The following RC3H2 variants were observed in gnomAD, a reference collection of about 807,000 sequenced individuals.
The protein encoded by RC3H2 is roquin-2.
A neutral mutation model predicts 133.3 loss-of-function variants in RC3H2; 31 were observed. That is an observed-to-expected ratio of 0.23 (90% CI 0.17 to 0.31). RC3H2 has a LOEUF of 0.31. RC3H2 is among the 10% of genes least tolerant of loss of function. The probability of loss-of-function intolerance (pLI) is 1.00; values close to 1 mark genes in which losing one functional copy is unlikely to be tolerated. For missense variants in RC3H2, 1,175 were observed against 1,437.2 expected, an observed-to-expected ratio of 0.82 and a Z score of 2.95; for synonymous variants, 517 against 502.2, an observed-to-expected ratio of 1.03 and a Z score of -0.40.
At chr9:122,894,961 G>GCAAT (rs1832356476) in intron 2 of RC3H2, among the ~76,000 whole-genome samples, 1 of 152,134 alleles carries the variant, frequency 6.6e-6, no homozygotes, top group Admixed American at 6.5e-5. Context: ...CCATCACTTG[G>GCAAT]CAATATACTT....
chr9:122,873,586 G>T (rs1382725361), intron 9 of RC3H2, among the ~76,000 whole-genome samples: 1 of 151,804 alleles, frequency 6.6e-6, no homozygotes, highest in African/African-American at 2.4e-5. Flanking sequence ...GGTGGCGTGT[G>T]TCTGTGGTCC....
chr9:122,892,408 C>G (rs906350918), intron 3 of RC3H2, among the ~76,000 whole-genome samples: 1 of 151,838 alleles, frequency 6.6e-6, no homozygotes, highest in Non-Finnish European at 1.5e-5. Flanking sequence ...GCCACCACAC[C>G]CAGCTTGAAT....
intron 9 of RC3H2, among the ~76,000 whole-genome samples, chr9:122,870,954 C>T: frequency 6.6e-6 from 1 of 152,292 alleles, no homozygotes; most frequent in South Asian, 2.1e-4. Flanking sequence ...TTCATTAATA[C>T]GCTTCTTTAC....
At chr9:122,850,262 A>T (rs1390247961) in intron 20 of RC3H2, among the ~76,000 whole-genome samples, 2 of 152,068 alleles carry the variant, frequency 1.3e-5, no homozygotes. Flanking sequence ...GGTGTGAGCC[A>T]CCACTCCTGG....
intron 13 of RC3H2, among the ~76,000 whole-genome samples, chr9:122,856,117 T>A (rs1234484776): frequency 1.3e-5 from 2 of 152,032 alleles, no homozygotes. Flanking sequence ...TGACTAATAC[T>A]ATCAAAACCA....
In RC3H2 at chr9:122,896,638, T is replaced by TATA. The variant is rs375242961; in HGVS notation, c.231+638_231+640dup. Among the ~76,000 whole-genome samples the TATA allele has an allele frequency of 3.5e-3, 537 of 152,298 alleles. 3 individuals are homozygous for TATA. Among genetic ancestry groups the TATA allele is most frequent in the African/African-American group, 0.012 (510 of 41,554 alleles). On this transcript the variant is annotated intron_variant, in intron 2 of 20. Coordinates refer to ENST00000357244, the MANE Select transcript of RC3H2 (RefSeq NM_001100588.3). Reference sequence around the variant, plus strand: ...ACACCTTAATGATCACTAAACATACTATATACCTATTACTGAATAAAGTTC... The same window carrying TATA: ...ACACCTTAATGATCACTAAACATACTATAATATACCTATTACTGAATAAAGTTC...
chr9:122,851,634 T>C lies in RC3H2; in HGVS notation c.3118-198A>G, dbSNP rs532627444. Reference sequence around the variant, plus strand: ...GCCTCAGCCTGCAGAGTGCCTGCAATTGCAGGCGCGCGCCGCCACGCCTGA... The same window carrying C: ...GCCTCAGCCTGCAGAGTGCCTGCAACTGCAGGCGCGCGCCGCCACGCCTGA... On this transcript the variant is annotated intron_variant, in intron 18 of 20. Coordinates refer to ENST00000357244, the MANE Select transcript of RC3H2 (RefSeq NM_001100588.3). The C allele has an allele frequency of 1.5e-3, 982 of 658,700 alleles. 7 individuals carry two copies. The African/African-American group carries it at 0.017, about 11-fold the overall frequency. 40.8% of individuals were successfully genotyped at this position (658,700 alleles called of 1,614,324 possible).
At chr9:122,899,844 T>C (rs564797209) in intron 1 of RC3H2, among the ~76,000 whole-genome samples, 125 of 152,370 alleles carry the variant, frequency 8.2e-4, no homozygotes, top group African/African-American at 2.9e-3. Flanking sequence ...TTTTTCATAA[T>C]GGCCACCTGT....
Position 122,897,346 on chromosome 9 carries a change from G to C in RC3H2, c.164C>G (p.Thr55Ser). 1 of 1,614,242 alleles carries C rather than the reference G, an allele frequency of 6.2e-7. No homozygotes were observed. The change falls in exon 2 of 21, where the codon ACT becomes AGT. Residue 55 changes from threonine to serine, a missense_variant. Transcript: ENST00000357244. Reference protein sequence around the residue: ...LHRKACPFDQTAINTDIDVLP... With the variant: ...LHRKACPFDQSAINTDIDVLP... ...TACATCAATATCTGTGTTGATGGCA[G>C]TCTGGTCAAAAGGACAAGCTTTTCG...
At chr9:122,873,216 G>A (rs1386602526) in intron 9 of RC3H2, among the ~76,000 whole-genome samples, 1 of 152,136 alleles carries the variant, frequency 6.6e-6, no homozygotes, top group Non-Finnish European at 1.5e-5. Flanking sequence ...TCAGAGTGAG[G>A]TAGCAATATG....
At position 122,880,799 on chromosome 9, in the gene RC3H2, A is replaced by T. The variant is rs1831583488; in HGVS notation, c.760-5T>A. The T allele has an allele frequency of 6.2e-7, 1 of 1,608,542 alleles. No homozygotes were observed. The highest frequency in any genetic ancestry group is 8.5e-7 in the Non-Finnish European group (1 of 1,175,074). On this transcript the variant is annotated splice_region_variant and splice_polypyrimidine_tract_variant and intron_variant, in intron 5 of 20. Transcript: ENST00000357244. ...GTCTTCATCTCTTTTGGTAACCTAAAAAATAGAAAAGAGAAAAATCAGAAT... is the reference window on the plus strand; with the variant it reads ...GTCTTCATCTCTTTTGGTAACCTAATAAATAGAAAAGAGAAAAATCAGAAT...
intron 9 of RC3H2, among the ~76,000 whole-genome samples, chr9:122,868,119 G>T (rs1159330827): frequency 6.9e-6 from 1 of 144,756 alleles, no homozygotes; most frequent in Non-Finnish European, 1.5e-5. Flanking sequence ...GAGGGAGGTG[G>T]GGGTGTCAGC....
intron 3 of RC3H2, among the ~76,000 whole-genome samples, chr9:122,890,827 T>G (rs1177768697): frequency 6.6e-6 from 1 of 152,132 alleles, no homozygotes; most frequent in Non-Finnish European, 1.5e-5. Context: ...AGCTCTTAGA[T>G]TCTACTCCTA....
intron 6 of RC3H2, 76 bp downstream of exon 6, chr9:122,880,518 T>C (rs903049573): frequency 7.0e-6 from 8 of 1,135,470 alleles, no homozygotes; most frequent in African/African-American, 4.6e-5. Flanking sequence ...TGTTTGTGTA[T>C]AGACTCTTTA....
At chr9:122,903,826 C>A (rs781521395) in intron 1 of RC3H2, among the ~76,000 whole-genome samples, 98 of 152,090 alleles carry the variant, frequency 6.4e-4, no homozygotes, top group Non-Finnish European at 1.3e-3. Flanking sequence ...AAAAATTGAA[C>A]GTGGAAGTAA....
chr9:122,878,106 T>C (rs886529202), intron 8 of RC3H2, among the ~76,000 whole-genome samples: 4 of 152,200 alleles, frequency 2.6e-5, no homozygotes, highest in African/African-American at 9.7e-5. Context: ...CTATTACTTC[T>C]ACAATTTGCA....
At chr9:122,872,988 T>C (rs1831163797) in intron 9 of RC3H2, among the ~76,000 whole-genome samples, 1 of 152,218 alleles carries the variant, frequency 6.6e-6, no homozygotes, top group South Asian at 2.1e-4. Flanking sequence ...CATATCCACA[T>C]ATTTACATAA....
At chr9:122,880,473 A>G (rs1369947495) in intron 6 of RC3H2, 121 bp downstream of exon 6, 3 of 799,894 alleles carry the variant, frequency 3.8e-6, no homozygotes, top group African/African-American at 3.5e-5. Flanking sequence ...ATAATTTATA[A>G]GAGTCTGACA....
intron 9 of RC3H2, among the ~76,000 whole-genome samples, chr9:122,872,121 A>T (rs1831128010): frequency 1.3e-5 from 2 of 152,186 alleles, no homozygotes. Context: ...AGCTTCAAAC[A>T]TCATTATGGC....
Sources: gnomAD v4.1 joint callset for allele counts (sites outside exome capture counted in the v4.1 genomes callset) on GRCh38, gnomAD v4.1.1 for gene constraint, MANE v1.5 for transcripts, NCBI Gene and HGNC (gene_info 2026-07-23, HGNC 2026-07-21) for gene names.